CSNK1G3: variants seen among roughly 807,000 people sequenced by gnomAD.
CSNK1G3 encodes casein kinase 1 gamma 3.
Under a neutral mutation model 64.3 loss-of-function variants are expected in CSNK1G3, and 23 were observed. The observed-to-expected ratio is 0.36, with a 90% CI of 0.26 to 0.51. The LOEUF (loss-of-function observed/expected upper bound fraction) is 0.51, where lower values mean the gene tolerates loss of function less well. Ranked by LOEUF, CSNK1G3 falls within the 20% of genes least tolerant of loss-of-function variation. CSNK1G3 has a pLI of 0.96. For synonymous variants in CSNK1G3, 158 were observed against 162.2 expected (o/e 0.97, Z 0.20); for missense variants, 357 against 510.5 (o/e 0.70, Z 2.90).
chr5:123,540,285 G>A (rs1167300897), intron 1 of CSNK1G3, among the ~76,000 whole-genome samples: 18 of 151,590 alleles, frequency 1.2e-4, no homozygotes, highest in Admixed American at 1.2e-3. Context: ...TATCAGCTGA[G>A]AATTCCTGTT....
chr5:123,563,612 C>T (rs1786225779), intron 4 of CSNK1G3, among the ~76,000 whole-genome samples: 1 of 152,000 alleles, frequency 6.6e-6, no homozygotes, highest in South Asian at 2.1e-4. Flanking sequence ...CTGTTCACTT[C>T]TGAGAAGTAT....
intron 1 of CSNK1G3, among the ~76,000 whole-genome samples, chr5:123,527,425 G>T (rs1779277625): frequency 6.6e-6 from 1 of 152,134 alleles, no homozygotes; most frequent in Non-Finnish European, 1.5e-5. Flanking sequence ...AGCAGTAGTA[G>T]TACTTTCAGC....
intron 6 of CSNK1G3, 31 bp from the exon 7 acceptor site, chr5:123,588,037 A>G (rs753575767): frequency 2.2e-6 from 3 of 1,386,952 alleles, no homozygotes; most frequent in Non-Finnish European, 3.0e-6. Context: ...TGTTAGAGAA[A>G]AGTGAAATTT....
At chr5:123,607,449 A>G (rs1222426801) in intron 12 of CSNK1G3, among the ~76,000 whole-genome samples, 3 of 152,200 alleles carry the variant, frequency 2.0e-5, no homozygotes, top group Non-Finnish European at 2.9e-5. Context: ...ATTTGACAAT[A>G]TAAAGAAATG....
Position 123,566,927 on chromosome 5 carries a change from G to A in CSNK1G3, c.290-6466G>A, listed in dbSNP as rs115933774. ...TTTTCTTATGTTATCTTTTCTATTC[G>A]TATGTATGTTTAATGATTGTATTCG... On this transcript the variant is annotated intron_variant, in intron 4 of 12. Coordinates refer to ENST00000345990, the Ensembl canonical transcript of CSNK1G3. Among the ~76,000 whole-genome samples the A allele has an allele frequency of 3.4e-3, 515 of 152,090 alleles. 6 individuals are homozygous for A. The highest frequency in any genetic ancestry group is 0.012 in the African/African-American group (496 of 41,486).
intron 1 of CSNK1G3, among the ~76,000 whole-genome samples, chr5:123,536,691 A>G (rs1216256358): frequency 6.6e-6 from 1 of 152,118 alleles, no homozygotes; most frequent in East Asian, 1.9e-4. Flanking sequence ...TATATGTCAA[A>G]TAAAACTTCT....
At chr5:123,537,328 AGAAAGT>A (rs943338112) in intron 1 of CSNK1G3, among the ~76,000 whole-genome samples, 1 of 152,102 alleles carries the variant, frequency 6.6e-6, no homozygotes, top group African/African-American at 2.4e-5. Flanking sequence ...AGCTAGGAAC[AGAAAGT>A]CAGATATCAC....
intron 12 of CSNK1G3, among the ~76,000 whole-genome samples, chr5:123,608,664 C>A (rs1040794282): frequency 2.3e-4 from 35 of 152,050 alleles, no homozygotes; most frequent in Admixed American, 2.1e-3. Context: ...AGTATACTAA[C>A]AACTTTTATA....
chr5:123,518,085 T>C (rs1426054385), intron 1 of CSNK1G3, among the ~76,000 whole-genome samples: 1 of 152,234 alleles, frequency 6.6e-6, no homozygotes, highest in East Asian at 1.9e-4. Context: ...AACTTTTATG[T>C]ACTGTCAGGG....
chr5:123,588,396 A>G (rs370721657), intron 7 of CSNK1G3, 31 bp from the exon 8 acceptor site: 25 of 1,526,648 alleles, frequency 1.6e-5, no homozygotes, highest in Non-Finnish European at 1.9e-5. Context: ...TTAAATTACC[A>G]CATTCTCAAG....
chr5:123,548,753 A>G (rs1466988527), intron 2 of CSNK1G3, among the ~76,000 whole-genome samples: 5 of 151,902 alleles, frequency 3.3e-5, no homozygotes, highest in South Asian at 4.2e-4. Context: ...AAAAAAAAAA[A>G]TGATAATAAG....
At chr5:123,557,600 A>T (rs1431475518) in intron 4 of CSNK1G3, 36 bp downstream of exon 4, 1 of 1,344,396 alleles carries the variant, frequency 7.4e-7, no homozygotes, top group Non-Finnish European at 1.0e-6. Context: ...TTTGAAATAA[A>T]GTGGATTGTC....
chr5:123,548,713 C>T (rs1049465171), intron 2 of CSNK1G3, among the ~76,000 whole-genome samples: 4 of 150,954 alleles, frequency 2.6e-5, no homozygotes, highest in Non-Finnish European at 5.9e-5. Context: ...TGAGTCTAGC[C>T]TGGACAATAT....
chr5:123,567,458 T>C (rs1412123996), intron 4 of CSNK1G3, among the ~76,000 whole-genome samples: 2 of 151,916 alleles, frequency 1.3e-5, no homozygotes, highest in Non-Finnish European at 2.9e-5. Context: ...ATAAAAAGAT[T>C]AGCTGGGCGT....
intron 4 of CSNK1G3, among the ~76,000 whole-genome samples, chr5:123,566,208 A>G (rs915667849): frequency 3.9e-5 from 6 of 152,224 alleles, no homozygotes; most frequent in African/African-American, 1.4e-4. Flanking sequence ...AGGGAATACC[A>G]ACATATAAAA....
chr5:123,530,787 TAAA>T (rs1225885542), intron 1 of CSNK1G3, among the ~76,000 whole-genome samples: 1 of 152,192 alleles, frequency 6.6e-6, no homozygotes, highest in Admixed American at 6.5e-5. Context: ...CTTTCTGGGA[TAAA>T]AAAAGTTTCT....
chr5:123,556,992 G>A (rs1425606110), intron 3 of CSNK1G3, among the ~76,000 whole-genome samples: 4 of 151,992 alleles, frequency 2.6e-5, no homozygotes, highest in Admixed American at 2.0e-4. Flanking sequence ...GAGTTAATAT[G>A]TATTTAACGC....
chr5:123,545,524 A>T (rs1782383159), exon 2 of CSNK1G3: 3 of 606,676 alleles, frequency 4.9e-6, no homozygotes, highest in South Asian at 3.5e-5. Flanking sequence ...TGCTCCAGTT[A>T]ATTGACTACC....
At chr5:123,589,026 CAAATT>C (rs1023566504) in intron 8 of CSNK1G3, among the ~76,000 whole-genome samples, 3 of 151,880 alleles carry the variant, frequency 2.0e-5, no homozygotes, top group African/African-American at 7.3e-5. Flanking sequence ...TATGGCAACT[CAAATT>C]AAGCCAAAAA....
Sources: allele counts gnomAD v4.1 joint callset (sites outside exome capture counted in the v4.1 genomes callset), GRCh38; gene constraint gnomAD v4.1.1; transcripts MANE v1.5; gene names NCBI Gene and HGNC (gene_info 2026-07-23, HGNC 2026-07-21).